Variants in AGBL1 observed in about 807,000 individuals in gnomAD.
AGBL1 encodes cytosolic carboxypeptidase 4.
AGBL1 carries 130 observed loss-of-function variants against 118.9 expected under a neutral mutation model. That is an observed-to-expected ratio of 1.09 (90% CI 0.95 to 1.26). The LOEUF (loss-of-function observed/expected upper bound fraction) is 1.26, where lower values mean the gene tolerates loss of function less well. Ranked by LOEUF, AGBL1 falls within the 50% of genes most tolerant of loss-of-function variation. AGBL1 has a pLI of 0.00. For missense variants in AGBL1, 1,584 were observed against 1,298.1 expected, an observed-to-expected ratio of 1.22 and a Z score of -3.38; for synonymous variants, 555 against 478.9, an observed-to-expected ratio of 1.16 and a Z score of -2.08.
At position 86,644,851 on chromosome 15, in the gene AGBL1, CAAAAAA is replaced by C. The variant is rs11434077; in HGVS notation, c.2995-29406_2995-29401del. Among the ~76,000 whole-genome samples the C allele has an allele frequency of 6.1e-4, 61 of 99,602 alleles. No homozygotes were observed. In the East Asian group the frequency reaches 0.014, roughly 24 times the overall value. The allele number at this position is 99,602 out of a possible 152,430, so 65.3% of individuals were successfully genotyped here. On this transcript the variant is annotated intron_variant, in intron 21 of 22. Coordinates refer to ENST00000614907, the MANE Select transcript of AGBL1 (RefSeq NM_001386094.1). The stretch of plus-strand genomic sequence containing the variant: ...TGAAACCTCATCTCTACTAAAAATA[CAAAAAA>C]AAAAAAAAAAAAAAATAGCTGGGCG...
intron 22 of AGBL1, among the ~76,000 whole-genome samples, chr15:86,676,597 T>C (rs188308880): frequency 1.3e-5 from 2 of 152,274 alleles, no homozygotes; most frequent in South Asian, 2.1e-4. Flanking sequence ...GGATTCTTAT[T>C]GTAATACAAA....
Position 86,855,879 on chromosome 15 carries a change from G to A in AGBL1, c.3159-51208G>A, listed in dbSNP as rs374810456. Among the ~76,000 whole-genome samples the A allele has an allele frequency of 9.8e-5, 15 of 152,286 alleles. 1 individual carries two copies. The highest frequency in any genetic ancestry group is 6.2e-4 in the South Asian group (3 of 4,826). ...GCTCAGATCTGCAGAGGGGTTCATC[G>A]TGTCGTCTTCTCTAGCAGCTCCTGA... On this transcript the variant is annotated intron_variant, in intron 22 of 22. Transcript: ENST00000614907.
chr15:86,295,216 A>T (rs764197197), intron 16 of AGBL1, 39 bp from the exon 17 acceptor site: 14 of 1,603,518 alleles, frequency 8.7e-6, no homozygotes, highest in Non-Finnish European at 7.7e-6. Context: ...GTTATAAAAA[A>T]TGTTGATAAT....
At chr15:86,663,235 T>G (rs750547663) in intron 21 of AGBL1, among the ~76,000 whole-genome samples, 20 of 152,220 alleles carry the variant, frequency 1.3e-4, no homozygotes, top group Non-Finnish European at 2.2e-4. Flanking sequence ...ACCCAAGGGT[T>G]AAAGCCAAAC....
chr15:86,401,080 A>G (rs1183577195), intron 18 of AGBL1, among the ~76,000 whole-genome samples: 1 of 152,138 alleles, frequency 6.6e-6, no homozygotes, highest in Non-Finnish European at 1.5e-5. Flanking sequence ...TCCCACCAGC[A>G]GTGTAAAAGT....
chr15:86,702,912 G>A (rs185451979), intron 22 of AGBL1, among the ~76,000 whole-genome samples: 25 of 152,138 alleles, frequency 1.6e-4, no homozygotes, highest in Admixed American at 4.6e-4. Flanking sequence ...TTTCAAGGAA[G>A]CAAGTGTAGA....
intron 21 of AGBL1, among the ~76,000 whole-genome samples, chr15:86,664,176 A>G (rs1465502514): frequency 6.6e-6 from 1 of 152,182 alleles, no homozygotes; most frequent in Non-Finnish European, 1.5e-5. Flanking sequence ...CTGAAAGGAC[A>G]CACACAGAGG....
At chr15:86,561,213 C>T (rs7496112) in intron 21 of AGBL1, among the ~76,000 whole-genome samples, 85,444 of 152,010 alleles carry the variant, frequency 0.56, 24,729 homozygotes, top group East Asian at 0.88. Flanking sequence ...TCCTTGCCCA[C>T]GCCTATGTCC....
intron 23 of AGBL1, among the ~76,000 whole-genome samples, chr15:86,987,260 T>G (rs1469899420): frequency 1.3e-5 from 2 of 152,216 alleles, no homozygotes; most frequent in Non-Finnish European, 1.5e-5. Context: ...GGCCTGACAG[T>G]TGACATCATT....
chr15:86,670,740 G>T (rs2085733621), intron 21 of AGBL1, among the ~76,000 whole-genome samples: 2 of 151,008 alleles, frequency 1.3e-5, no homozygotes, highest in South Asian at 4.2e-4. Context: ...AGTGTAGAAG[G>T]CATTTTTATT....
At chr15:86,964,187 C>T (rs565210037) in intron 23 of AGBL1, among the ~76,000 whole-genome samples, 1 of 152,036 alleles carries the variant, frequency 6.6e-6, no homozygotes, top group African/African-American at 2.4e-5. Flanking sequence ...CTGGTTCTGC[C>T]TGACTGTAAA....
At chr15:86,090,810 C>T (rs971847819) in intron 1 of AGBL1, among the ~76,000 whole-genome samples, 1 of 152,124 alleles carries the variant, frequency 6.6e-6, no homozygotes, top group East Asian at 1.9e-4. Context: ...GAGTTTCACA[C>T]CATATCATTT....
intron 22 of AGBL1, among the ~76,000 whole-genome samples, chr15:86,904,706 A>G: frequency 6.7e-6 from 1 of 150,018 alleles, no homozygotes; most frequent in Non-Finnish European, 1.5e-5. Flanking sequence ...TGACAAAACC[A>G]TATTTGTTAT....
chr15:87,030,404 G>T (rs1016208295), downstream of AGBL1, among the ~76,000 whole-genome samples: 1 of 151,946 alleles, frequency 6.6e-6, no homozygotes, highest in Non-Finnish European at 1.5e-5. Context: ...GCTTGAACAG[G>T]TAAGTATTTC....
chr15:86,444,379 G>A (rs952184930), intron 18 of AGBL1, among the ~76,000 whole-genome samples: 5 of 152,162 alleles, frequency 3.3e-5, no homozygotes, highest in Non-Finnish European at 7.3e-5. Flanking sequence ...GCTGGGGTTA[G>A]CCCTACCTGG....
intron 17 of AGBL1, among the ~76,000 whole-genome samples, chr15:86,347,908 C>T (rs2080563230): frequency 2.0e-5 from 3 of 152,182 alleles, no homozygotes; most frequent in African/African-American, 4.8e-5. Context: ...ATGTAATTTT[C>T]CTCAAGACTT....
At chr15:86,125,412 C>T (rs1202521322) in intron 1 of AGBL1, among the ~76,000 whole-genome samples, 1 of 152,168 alleles carries the variant, frequency 6.6e-6, no homozygotes, top group Non-Finnish European at 1.5e-5. Context: ...TGCACTTGAT[C>T]ACGGTAACTT....
At chr15:86,406,190 C>G (rs571063783) in intron 18 of AGBL1, among the ~76,000 whole-genome samples, 65 of 152,290 alleles carry the variant, frequency 4.3e-4, no homozygotes, top group Non-Finnish European at 2.1e-4. Context: ...AACTGGGAAA[C>G]AGAAAGAGTG....
intron 22 of AGBL1, among the ~76,000 whole-genome samples, chr15:86,856,664 CATT>C (rs1485268026): frequency 1.3e-5 from 2 of 152,198 alleles, no homozygotes; most frequent in African/African-American, 4.8e-5. Flanking sequence ...GTATAGCCAC[CATT>C]ATTATTTCCA....
Sources: gnomAD v4.1 joint callset for allele counts (sites outside exome capture counted in the v4.1 genomes callset) on GRCh38, gnomAD v4.1.1 for gene constraint, MANE v1.5 for transcripts, NCBI Gene and HGNC (gene_info 2026-07-23, HGNC 2026-07-21) for gene names.